The following ZSCAN29 variants were observed in gnomAD, a reference collection of about 807,000 sequenced individuals.
ZSCAN29 encodes zinc finger and SCAN domain containing 29, also known as zinc finger and SCAN domain-containing protein 29.
A neutral mutation model predicts 71.9 loss-of-function variants in ZSCAN29; 55 were observed. The observed-to-expected ratio is 0.76, with a 90% CI of 0.62 to 0.96. ZSCAN29 has a LOEUF of 0.96. Among genes scored for constraint, ZSCAN29 ranks in the 40% least tolerant of loss-of-function variants. ZSCAN29 has a pLI of 0.00. For synonymous variants in ZSCAN29, 351 were observed against 371.6 expected (o/e 0.94, Z 0.64); for missense variants, 1,042 against 1,042.2 (o/e 1.00, Z 0.00).
chr15:43,369,565 T>A (rs1310581920), intron 2 of ZSCAN29, 31 bp downstream of exon 2: 1 of 1,593,932 alleles, frequency 6.3e-7, no homozygotes, highest in Non-Finnish European at 8.6e-7. Context: ...AGTATCACAC[T>A]TTTGAATTTG....
Position 43,364,060 on chromosome 15 carries a change from C to T in ZSCAN29, c.1545G>A (p.Gln515=). ...TCTGAGCTTCAGCCTCACTGGTCCCCTGGACGGGGCAAGAAGCAGTCTCTT... is the reference window on the plus strand; with the variant it reads ...TCTGAGCTTCAGCCTCACTGGTCCCTTGGACGGGGCAAGAAGCAGTCTCTT... The part of the protein sequence containing the change: ...GQEETASCPV[Q]GTSEAEAQKQ... Residue 515 remains glutamine (Q), a synonymous_variant, in exon 5 of 6, where the codon CAG becomes CAA. Transcript: ENST00000684362. 8 of 1,614,188 alleles carry T rather than the reference C, an allele frequency of 5.0e-6. No homozygotes were observed. Among genetic ancestry groups the T allele is most frequent in the Non-Finnish European group, 6.8e-6 (8 of 1,180,046 alleles).
At chr15:43,365,028 AAAAT>A (rs998160148) in intron 4 of ZSCAN29, among the ~76,000 whole-genome samples, 2 of 152,280 alleles carry the variant, frequency 1.3e-5, no homozygotes, top group East Asian at 1.9e-4. Flanking sequence ...GAAAACAAGA[AAAAT>A]AAAGAGAAAC....
intron 4 of ZSCAN29, 71 bp downstream of exon 4, chr15:43,366,039 T>G (rs1364828568): frequency 6.1e-6 from 9 of 1,483,808 alleles, no homozygotes; most frequent in African/African-American, 5.6e-5. Context: ...ACATTAAGCC[T>G]TCTGACTCCA....
Position 43,366,433 on chromosome 15 carries a change from G to A in ZSCAN29, c.899C>T (p.Thr300Ile), listed in dbSNP as rs1212686192. The change falls in exon 4 of 6, where the codon ACC becomes ATC. Residue 300 changes from threonine (T) to isoleucine (I), a missense_variant. Transcript: ENST00000684362. The stretch of plus-strand genomic sequence containing the variant: ...GCTCTTCTGGAGACCTTTGAACTTG[G>A]TCCGACACTGTTCCAGGGTCCGGAG... ...GFLRTLEQCRTKFKGLQKSYR... is the reference protein window; with the variant it reads ...GFLRTLEQCRIKFKGLQKSYR... 3.7e-6 allele frequency: 6 copies of A among 1,614,060 alleles called. No homozygotes were observed. In the Admixed American group the frequency reaches 8.3e-5, roughly 22 times the overall value.
At position 43,361,593 on chromosome 15, in the gene ZSCAN29, C is replaced by T. The variant is rs1355159490; in HGVS notation, c.2039G>A (p.Cys680Tyr). The change falls in exon 6 of 6, where the codon TGT becomes TAT. Residue 680 changes from cysteine to tyrosine, a missense_variant. Physicochemically the swap from Cys to Tyr is radical, Grantham distance 194. Transcript: ENST00000684362. ...ACTGAAGCTTTTCCCACAATCAGCA[C>T]ATTTATATGGATTTTCCACCTGGTG... ...VSHQVENPYK[C>Y]ADCGKSFSRS... 2 of 1,614,104 alleles carry T rather than the reference C, an allele frequency of 1.2e-6. No homozygotes were observed. Among genetic ancestry groups the T allele is most frequent in the African/African-American group, 2.7e-5 (2 of 74,932 alleles).
At chr15:43,365,042 C>T (rs562680038) in intron 4 of ZSCAN29, among the ~76,000 whole-genome samples, 35 of 150,820 alleles carry the variant, frequency 2.3e-4, no homozygotes, top group African/African-American at 6.6e-4. Flanking sequence ...TAAAGAGAAA[C>T]GAAAAAGCAG....
In ZSCAN29 at chr15:43,361,143, C is replaced by A; in HGVS notation, c.2489G>T (p.Ser830Ile). The change falls in exon 6 of 6, where the codon AGC becomes ATC. Residue 830 changes from serine (S) to isoleucine (I), a missense_variant. Physicochemically the swap from Ser to Ile is moderately radical, Grantham distance 142. Transcript: ENST00000684362. ...CHDCGKCFSK[S>I]SALNKHGEIH... is the part of the protein sequence containing the mutation. ...TTCTCCGTGCTTATTAAGGGCAGAGCTTTTACTGAAGCACTTACCACAGTC... is the reference window on the plus strand; with the variant it reads ...TTCTCCGTGCTTATTAAGGGCAGAGATTTTACTGAAGCACTTACCACAGTC... 1 of 1,613,952 alleles carries A rather than the reference C, an allele frequency of 6.2e-7. No individual in the cohort carries two copies. Among genetic ancestry groups the A allele is most frequent in the Non-Finnish European group, 8.5e-7 (1 of 1,179,822 alleles).
At position 43,361,739 on chromosome 15, in the gene ZSCAN29, CG is replaced by C; in HGVS notation, c.1892del (p.Pro631ArgfsTer5). ...TTAGGACTTCACTTAAGCTCTTCTC[CG>C]GGAGTGTCAGTTTTCCTCTTTTCTC... is the stretch of plus-strand genomic sequence containing the variant. ...SGEKRGKLTL[P>X]EKSLSEVLSQ... On this transcript the variant is annotated frameshift_variant, in exon 6 of 6. Coordinates refer to ENST00000684362, the MANE Select transcript of ZSCAN29 (RefSeq NM_001372080.1). LOFTEE classifies it high-confidence loss of function. 6.2e-7 allele frequency: 1 copy of C among 1,614,136 alleles called. No homozygotes were observed. The highest frequency in any genetic ancestry group is 2.2e-5 in the East Asian group (1 of 44,886).
chr15:43,362,517 C>CT (rs1266560521), intron 5 of ZSCAN29, among the ~76,000 whole-genome samples: 1 of 152,092 alleles, frequency 6.6e-6, no homozygotes, highest in African/African-American at 2.4e-5. Context: ...AAATGCCTGG[C>CT]TTTTTTGGGC....
intron 5 of ZSCAN29, among the ~76,000 whole-genome samples, chr15:43,362,697 A>T (rs1325864135): frequency 6.6e-6 from 1 of 152,202 alleles, no homozygotes; most frequent in East Asian, 1.9e-4. Context: ...TTCATGAAAT[A>T]TTCACTAGAT....
At position 43,361,950 on chromosome 15, in the gene ZSCAN29, A is replaced by G. The variant is rs1190815140; in HGVS notation, c.1691-9T>C. The G allele has an allele frequency of 6.3e-7, 1 of 1,595,940 alleles. No individual in the cohort carries two copies. Among genetic ancestry groups the G allele is most frequent in the South Asian group, 1.1e-5 (1 of 88,874 alleles). ...AAATCCAGCTTCAAAACCTGATGTAAAACAGAATTTTAGAAGTTATCTATT... is the reference window on the plus strand; with the variant it reads ...AAATCCAGCTTCAAAACCTGATGTAGAACAGAATTTTAGAAGTTATCTATT... On this transcript the variant is annotated splice_polypyrimidine_tract_variant and intron_variant, in intron 5 of 5. Coordinates refer to ENST00000684362, the MANE Select transcript of ZSCAN29 (RefSeq NM_001372080.1).
chr15:43,364,882 G>A (rs1295612341), intron 4 of ZSCAN29, among the ~76,000 whole-genome samples: 8 of 116,876 alleles, frequency 6.8e-5, no homozygotes, highest in African/African-American at 2.4e-4. Context: ...ACAACAAAGC[G>A]ACTCTGTCTC....
intron 3 of ZSCAN29, among the ~76,000 whole-genome samples, chr15:43,367,167 G>A (rs886340264): frequency 6.6e-5 from 10 of 152,272 alleles, no homozygotes; most frequent in Non-Finnish European, 5.9e-5. Flanking sequence ...AGGGGGAAGC[G>A]AGAGAAGATT....
Position 43,369,914 on chromosome 15 carries a change from TA to T in ZSCAN29, c.-2del. On this transcript the variant is annotated 5_prime_UTR_variant, in exon 2 of 6. Coordinates refer to ENST00000684362, the MANE Select transcript of ZSCAN29 (RefSeq NM_001372080.1). Reference sequence around the variant, plus strand: ...CTCTTAGAGCTGATTTGGCCATCATTAATAGCAGAATGCAGCTTCCCTTCGC... The same window carrying T: ...CTCTTAGAGCTGATTTGGCCATCATTATAGCAGAATGCAGCTTCCCTTCGC... The T allele has an allele frequency of 6.3e-7, 1 of 1,591,812 alleles. No homozygotes were observed. The highest frequency in any genetic ancestry group is 8.5e-7 in the Non-Finnish European group (1 of 1,171,112).
In ZSCAN29 at chr15:43,366,162, C is replaced by T. The variant is rs149071706; in HGVS notation, c.1170G>A (p.Ala390=). The T allele has an allele frequency of 7.2e-5, 116 of 1,613,884 alleles. No homozygotes were observed. The highest frequency in any genetic ancestry group is 1.6e-4 in the Middle Eastern group (1 of 6,080). The change falls in exon 4 of 6, where the codon GCG becomes GCA. Residue 390 remains alanine, a synonymous_variant. Transcript: ENST00000684362. ...CAGCTGAGTTGGGGTCCTGGGGGGTCGCCTCTAGATCCATGTCATCACTGT... is the reference window on the plus strand; with the variant it reads ...CAGCTGAGTTGGGGTCCTGGGGGGTTGCCTCTAGATCCATGTCATCACTGT... ...ESDSDDMDLE[A]TPQDPNSAAP...
In ZSCAN29 at chr15:43,361,193, T is replaced by C; in HGVS notation, c.2439A>G (p.Thr813=). 1 of 1,614,226 alleles carries C rather than the reference T, an allele frequency of 6.2e-7. No homozygotes were observed. The part of the protein sequence containing the change: ...SDLRAHHRTH[T]GEKPYGCHDC... ...CATGACACCCATAGGGTTTCTCTCC[T>C]GTGTGGGTTCTATGATGTGCACGTA... Residue 813 remains threonine (T), a synonymous_variant, in exon 6 of 6, where the codon ACA becomes ACG. Transcript: ENST00000684362.
Position 43,364,385 on chromosome 15 carries a change from GCCA to G in ZSCAN29, c.1223-6_1223-4del. ...CTCTTCATAGCCCCAGTGTACACCT[GCCA>G]CCAGAAGAGAAATTTCAGCACCACT... On this transcript the variant is annotated splice_region_variant and splice_polypyrimidine_tract_variant and intron_variant, in intron 4 of 5. Coordinates refer to ENST00000684362, the MANE Select transcript of ZSCAN29 (RefSeq NM_001372080.1). The G allele has an allele frequency of 6.2e-7, 1 of 1,612,482 alleles. No homozygotes were observed. The highest frequency in any genetic ancestry group is 8.5e-7 in the Non-Finnish European group (1 of 1,179,672).
rs1204651677 is a variant in ZSCAN29 at position 43,368,304 on chromosome 15, T to C, written c.523+619A>G. Among the ~76,000 whole-genome samples the C allele has an allele frequency of 3.7e-5, 2 of 53,352 alleles. 1 individual carries two copies. Among genetic ancestry groups the C allele is most frequent in the Non-Finnish European group, 5.9e-5 (2 of 33,822 alleles). 35.0% of individuals were successfully genotyped at this position (53,352 alleles called of 152,430 possible). On this transcript the variant is annotated intron_variant, in intron 3 of 5. Transcript: ENST00000684362. ...ACTTTGGGAGGCCGAGGCGGGCGGA[T>C]CACGAGGTCAAGAGATCGAGACCAT...
At chr15:43,361,973 A>G in intron 5 of ZSCAN29, 32 bp from the exon 6 acceptor site, 11 of 1,570,388 alleles carry the variant, frequency 7.0e-6, no homozygotes, top group African/African-American at 1.4e-5. Flanking sequence ...GAAGTTATCT[A>G]TTTTCTTAAT....
Sources: gnomAD v4.1 joint callset for allele counts (sites outside exome capture counted in the v4.1 genomes callset) on GRCh38, gnomAD v4.1.1 for gene constraint, MANE v1.5 for transcripts, NCBI Gene and HGNC (gene_info 2026-07-23, HGNC 2026-07-21) for gene names.